The following SSBP2 variants were observed in gnomAD, a reference collection of about 807,000 sequenced individuals.
SSBP2 encodes single-stranded DNA-binding protein 2.
SSBP2 carries 17 observed loss-of-function variants against 61.8 expected under a neutral mutation model. The ratio of observed to expected loss-of-function variants is 0.28; its 90% CI spans 0.19 to 0.41. SSBP2 has a LOEUF of 0.41. Among genes scored for constraint, SSBP2 ranks in the 10% least tolerant of loss-of-function variants. The pLI, the probability that SSBP2 is intolerant of heterozygous loss-of-function variation, is 1.00. For missense variants in SSBP2, 310 were observed against 458.7 expected (o/e 0.68, Z 2.96); for synonymous variants, 139 against 141.3 (o/e 0.98, Z 0.12).
rs192872545 is a variant in SSBP2, at chr5:81,630,144, A to G, written c.197+6413T>C. On this transcript the variant is annotated intron_variant, in intron 3 of 16. Transcript: ENST00000320672. The stretch of plus-strand genomic sequence containing the variant: ...GACTCTTAGGTTGAGCAAATGAGCA[A>G]GCAGTAAGTTCCTGAAGAATGCATG... Among the ~76,000 whole-genome samples, 26 of 152,348 alleles carry G rather than the reference A, an allele frequency of 1.7e-4. No homozygotes were observed. In the East Asian group the frequency reaches 4.4e-3, roughly 26 times the overall value.
At chr5:81,420,726 T>C (rs1261101823) in intron 16 of SSBP2, among the ~76,000 whole-genome samples, 193 bp from the exon 17 acceptor site, 6 of 152,200 alleles carry the variant, frequency 3.9e-5, no homozygotes, top group Non-Finnish European at 7.3e-5. Flanking sequence ...TACTGAAATT[T>C]TAAATATTTC....
At chr5:81,723,646 A>G (rs1247619863) in intron 1 of SSBP2, among the ~76,000 whole-genome samples, 1 of 152,026 alleles carries the variant, frequency 6.6e-6, no homozygotes, top group Non-Finnish European at 1.5e-5. Flanking sequence ...CATCAAGAAT[A>G]TATTTAAAGG....
intron 4 of SSBP2, among the ~76,000 whole-genome samples, chr5:81,561,374 T>C (rs1213043300): frequency 1.3e-5 from 2 of 152,182 alleles, no homozygotes; most frequent in South Asian, 2.1e-4. Context: ...ATGGAAGAGA[T>C]GGCAATGCAG....
intron 2 of SSBP2, among the ~76,000 whole-genome samples, chr5:81,639,778 T>C (rs937170559): frequency 2.0e-5 from 3 of 152,270 alleles, no homozygotes; most frequent in African/African-American, 7.2e-5. Flanking sequence ...TCAAAAAAAT[T>C]CAAGGAATTC....
At chr5:81,642,323 C>G (rs1230407630) in intron 2 of SSBP2, among the ~76,000 whole-genome samples, 1 of 152,144 alleles carries the variant, frequency 6.6e-6, no homozygotes, top group African/African-American at 2.4e-5. Context: ...AGTCCTAAGG[C>G]TTTTTGCTGC....
chr5:81,513,660 G>T lies in SSBP2; in HGVS notation c.340C>A (p.Pro114Thr). 6.2e-7 allele frequency: 1 copy of T among 1,612,624 alleles called. No individual in the cohort carries two copies. The highest frequency in any genetic ancestry group is 1.3e-5 in the African/African-American group (1 of 74,982). The stretch of plus-strand genomic sequence containing the variant: ...AACCCTGGTGGTACAGGACCTACTG[G>T]CATGCCATCTCCTGGGGGAATGTTT... The change falls in exon 5 of 17, where the codon CCA becomes ACA. Residue 114 changes from proline to threonine, a missense_variant. Physicochemically the swap from Pro to Thr is conservative, Grantham distance 38. Transcript: ENST00000320672.
intron 5 of SSBP2, among the ~76,000 whole-genome samples, chr5:81,505,630 T>C (rs1028171474): frequency 6.6e-6 from 1 of 152,168 alleles, no homozygotes; most frequent in African/African-American, 2.4e-5. Flanking sequence ...ACTACAGCAC[T>C]CGGAAGAATT....
In SSBP2 at chr5:81,636,547, G is replaced by T; in HGVS notation, c.197+10C>A. On this transcript the variant is annotated intron_variant, in intron 3 of 16. Transcript: ENST00000320672. ...ATCAAGCCAGTAAAAATGGAATAAAGGATACTTACCACCACCAAGAATGTA... is the reference window on the plus strand; with the variant it reads ...ATCAAGCCAGTAAAAATGGAATAAATGATACTTACCACCACCAAGAATGTA... 1 of 1,605,990 alleles carries T rather than the reference G, an allele frequency of 6.2e-7. No individual in the cohort carries two copies.
intron 6 of SSBP2, among the ~76,000 whole-genome samples, chr5:81,486,804 T>C (rs993340496): frequency 1.6e-4 from 24 of 152,166 alleles, no homozygotes; most frequent in African/African-American, 5.5e-4. Context: ...ATTTGGTCTA[T>C]AGGAGAAAAA....
chr5:81,602,044 G>A (rs1744417762), intron 4 of SSBP2, among the ~76,000 whole-genome samples: 1 of 152,110 alleles, frequency 6.6e-6, no homozygotes, highest in South Asian at 2.1e-4. Context: ...CCAGTACCTT[G>A]ATCAGAGCCC....
chr5:81,459,085 A>G (rs1764359625), intron 10 of SSBP2, among the ~76,000 whole-genome samples: 1 of 152,108 alleles, frequency 6.6e-6, no homozygotes, highest in South Asian at 2.1e-4. Context: ...CCCATTTCAG[A>G]CTGGTGGACA....
At chr5:81,597,544 A>G (rs565404331) in intron 4 of SSBP2, among the ~76,000 whole-genome samples, 126 of 152,270 alleles carry the variant, frequency 8.3e-4, no homozygotes, top group African/African-American at 2.9e-3. Context: ...TGCTGCTATA[A>G]AGACACATGC....
At chr5:81,679,816 T>C (rs1752253672) in intron 1 of SSBP2, among the ~76,000 whole-genome samples, 1 of 152,202 alleles carries the variant, frequency 6.6e-6, no homozygotes, top group South Asian at 2.1e-4. Flanking sequence ...TAAAACATCA[T>C]ACATTTCTGG....
At chr5:81,615,909 C>T (rs1247147075) in intron 3 of SSBP2, among the ~76,000 whole-genome samples, 1 of 152,140 alleles carries the variant, frequency 6.6e-6, no homozygotes, top group African/African-American at 2.4e-5. Flanking sequence ...AAATAATATC[C>T]TAATTTAATA....
At chr5:81,501,019 G>T (rs1398172035) in intron 5 of SSBP2, among the ~76,000 whole-genome samples, 1 of 149,504 alleles carries the variant, frequency 6.7e-6, no homozygotes, top group African/African-American at 2.4e-5. Flanking sequence ...TTTGAAACCA[G>T]CCTGGCCAAC....
intron 1 of SSBP2, among the ~76,000 whole-genome samples, chr5:81,686,274 T>G (rs1752763324): frequency 6.6e-6 from 1 of 152,206 alleles, no homozygotes; most frequent in Non-Finnish European, 1.5e-5. Flanking sequence ...TGATCGCAAG[T>G]GAAGATCTGT....
At chr5:81,499,126 A>G (rs1767507692) in intron 5 of SSBP2, among the ~76,000 whole-genome samples, 1 of 152,214 alleles carries the variant, frequency 6.6e-6, no homozygotes, top group South Asian at 2.1e-4. Flanking sequence ...AGATCACAAG[A>G]TGACATACTT....
intron 15 of SSBP2, among the ~76,000 whole-genome samples, chr5:81,431,279 C>T (rs1457947307): frequency 2.6e-5 from 4 of 152,078 alleles, no homozygotes; most frequent in Non-Finnish European, 4.4e-5. Context: ...TTAGGCCCAT[C>T]GGTTACAGTT....
chr5:81,549,789 G>T (rs1772032984), intron 4 of SSBP2, among the ~76,000 whole-genome samples: 1 of 152,130 alleles, frequency 6.6e-6, no homozygotes, highest in African/African-American at 2.4e-5. Context: ...CTATGTTTGA[G>T]GTAAGCATAG....
Sources: gnomAD v4.1 joint callset for allele counts (sites outside exome capture counted in the v4.1 genomes callset) on GRCh38, gnomAD v4.1.1 for gene constraint, MANE v1.5 for transcripts, NCBI Gene and HGNC (gene_info 2026-07-23, HGNC 2026-07-21) for gene names.